HSD11B2: variants seen among roughly 807,000 people sequenced by gnomAD.
HSD11B2 encodes 11-beta-hydroxysteroid dehydrogenase type 2.
In HSD11B2, 17 loss-of-function variants were observed where a neutral mutation model predicts 20.9. The ratio of observed to expected loss-of-function variants is 0.81; its 90% CI spans 0.56 to 1.22. The LOEUF (loss-of-function observed/expected upper bound fraction) is 1.22, where lower values mean the gene tolerates loss of function less well. Ranked by LOEUF, HSD11B2 falls within the 50% of genes most tolerant of loss-of-function variation. The pLI is 0.00. For missense variants in HSD11B2, 480 were observed against 563.6 expected (o/e 0.85, Z 1.50); for synonymous variants, 253 against 255.4 (o/e 0.99, Z 0.09).
chr16:67,435,140 T>C (rs1597562084), intron 1 of HSD11B2, among the ~76,000 whole-genome samples: 1 of 144,764 alleles, frequency 6.9e-6, no homozygotes, highest in South Asian at 2.2e-4. Flanking sequence ...GGAGGGGAGG[T>C]TGCAGTGAGC....
chr16:67,435,564 C>G, intron 1 of HSD11B2, 64 bp from the exon 2 acceptor site: 1 of 1,331,996 alleles, frequency 7.5e-7, no homozygotes. Context: ...CCTGGTGATT[C>G]TGGGGTTGTC....
chr16:67,436,298 C>G lies in HSD11B2; in HGVS notation c.714C>G (p.Ala238=), dbSNP rs142615505. ...GGGCCTATGGAACCTCCAAAGCGGC[C>G]GTGGCGCTACTCATGGACACATTCA... ...CLGAYGTSKA[A]VALLMDTFSC... Residue 238 remains alanine (A), a synonymous_variant, in exon 4 of 5, where the codon GCC becomes GCG. Transcript: ENST00000326152. This position sits in a 1 kb window ranked among gnomAD's most constrained non-coding sequence, Gnocchi z 5.7. 6.2e-7 allele frequency: 1 copy of G among 1,612,044 alleles called. No individual in the cohort carries two copies. The highest frequency in any genetic ancestry group is 1.7e-5 in the Admixed American group (1 of 59,770).
At position 67,436,602 on chromosome 16, in the gene HSD11B2, G is replaced by A. The variant is rs140385822; in HGVS notation, c.817G>A (p.Val273Met). 1.9e-3 allele frequency: 3,020 copies of A among 1,614,146 alleles called. 4 individuals carry two copies. Among genetic ancestry groups the A allele is most frequent in the Non-Finnish European group, 2.2e-3 (2,559 of 1,180,016 alleles). Residue 273 changes from valine (V) to methionine (M), a missense_variant, in exon 5 of 5, where the codon GTG (valine) becomes ATG (methionine). Physicochemically the swap from Val to Met is conservative, Grantham distance 21 (BLOSUM62 1). Around this residue, in one of 2 missense-constraint regions of HSD11B2, gnomAD observed 374 missense variants for 480.9 expected, o/e 0.78. Transcript: ENST00000326152. The surrounding 1 kb of genome is among the most constrained non-coding windows in gnomAD (Gnocchi z 5.7). Reference sequence around the variant, plus strand: ...TCCTTCCCCAGAGTCAGTGAGAAACGTGGGTCAGTGGGAAAAGCGCAAGCA... The same window carrying A: ...TCCTTCCCCAGAGTCAGTGAGAAACATGGGTCAGTGGGAAAAGCGCAAGCA... ...GCFKTESVRN[V>M]GQWEKRKQLL...
intron 1 of HSD11B2, among the ~76,000 whole-genome samples, chr16:67,433,700 A>ACT (rs2040949625): frequency 7.5e-6 from 1 of 132,980 alleles, no homozygotes; most frequent in Non-Finnish European, 1.5e-5. Flanking sequence ...ACACACACAC[A>ACT]CACACACACA....
rs1256331018 is a variant in HSD11B2, at chr16:67,436,741, C to A, written c.956C>A (p.Thr319Asn). The change falls in exon 5 of 5, where the codon ACC becomes AAC. Residue 319 changes from threonine (T) to asparagine (N), a missense_variant. Transcript: ENST00000326152. This position sits in a 1 kb window ranked among gnomAD's most constrained non-coding sequence, Gnocchi z 5.7. Reference protein sequence around the residue: ...HSLRLAMSDLTPVVDAITDAL... With the variant: ...HSLRLAMSDLNPVVDAITDAL... Reference sequence around the variant, plus strand: ...CTACGCCTGGCCATGTCCGACCTCACCCCAGTTGTAGATGCCATCACAGAT... The same window carrying A: ...CTACGCCTGGCCATGTCCGACCTCAACCCAGTTGTAGATGCCATCACAGAT... 1 of 1,614,116 alleles carries A rather than the reference C, an allele frequency of 6.2e-7. No individual in the cohort carries two copies. The highest frequency in any genetic ancestry group is 8.5e-7 in the Non-Finnish European group (1 of 1,180,040).
chr16:67,431,202 C>G lies in HSD11B2; in HGVS notation c.-47C>G. 1 of 1,092,070 alleles carries G rather than the reference C, an allele frequency of 9.2e-7. No homozygotes were observed. The highest frequency in any genetic ancestry group is 4.0e-5 in the South Asian group (1 of 24,964). 67.6% of individuals were successfully genotyped at this position (1,092,070 alleles called of 1,614,324 possible). A position where few individuals can be genotyped will look rare whatever the true frequency, so the allele number is the denominator to read the frequency against. On this transcript the variant is annotated 5_prime_UTR_variant, in exon 1 of 5. Coordinates refer to ENST00000326152, the MANE Select transcript of HSD11B2 (RefSeq NM_000196.4). Reference sequence around the variant, plus strand: ...GGCCTAGAAGCTCTCTCTCCCCGCTCCCCGGCCCGGCCCCCGCCCCGCCCC... The same window carrying G: ...GGCCTAGAAGCTCTCTCTCCCCGCTGCCCGGCCCGGCCCCCGCCCCGCCCC...
chr16:67,435,878 G>A (rs777920217), intron 2 of HSD11B2, 38 bp downstream of exon 2: 2 of 1,613,722 alleles, frequency 1.2e-6, no homozygotes, highest in Non-Finnish European at 1.7e-6. Context: ...GGCGTGGCAG[G>A]GGAGTGGGAA....
At position 67,435,988 on chromosome 16, in the gene HSD11B2, CA is replaced by C. The variant is rs1490123376; in HGVS notation, c.512del (p.Asn171MetfsTer3). Reference sequence around the variant, plus strand: ...GGGGCCTCGTCAACAACGCAGGCCACAATGAAGTAGTTGCTGATGCGGAGCT... The same window carrying C: ...GGGGCCTCGTCAACAACGCAGGCCACATGAAGTAGTTGCTGATGCGGAGCT... ...LWGLVNNAGH[N>X]EVVADAELSP... is the part of the protein sequence containing the mutation. On this transcript the variant is annotated frameshift_variant, in exon 3 of 5. Coordinates refer to ENST00000326152, the MANE Select transcript of HSD11B2 (RefSeq NM_000196.4). LOFTEE classifies it high-confidence loss of function. 13 of 1,614,102 alleles carry C rather than the reference CA, an allele frequency of 8.1e-6. No homozygotes were observed. The highest frequency in any genetic ancestry group is 1.3e-5 in the African/African-American group (1 of 74,942).
At chr16:67,431,774 C>T (rs1189095439) in intron 1 of HSD11B2, among the ~76,000 whole-genome samples, 1 of 152,190 alleles carries the variant, frequency 6.6e-6, no homozygotes, top group East Asian at 1.9e-4. Context: ...AGGAAACTGA[C>T]TGGTGGCTGA....
Position 67,431,507 on chromosome 16 carries a change from A to C in HSD11B2, c.259A>C (p.Ile87Leu). 1 of 1,395,872 alleles carries C rather than the reference A, an allele frequency of 7.2e-7. No individual in the cohort carries two copies. Among genetic ancestry groups the C allele is most frequent in the Non-Finnish European group, 9.3e-7 (1 of 1,073,052 alleles). The allele number at this position is 1,395,872 out of a possible 1,614,324, so 86.5% of individuals were successfully genotyped here. A position where few individuals can be genotyped will look rare whatever the true frequency, so the allele number is the denominator to read the frequency against. Residue 87 changes from isoleucine (I) to leucine (L), a missense_variant, in exon 1 of 5, where the codon ATC (isoleucine) becomes CTC (leucine). Physicochemically the swap from Ile to Leu is conservative, Grantham distance 5. Transcript: ENST00000326152. ...GCCGGTGGCCACTCGCGCGGTGCTC[A>C]TCACCGGTGAGTGCGCGGGTCGCGG... is the stretch of plus-strand genomic sequence containing the variant. ...RLPVATRAVLITGCDSGFGKE... is the reference protein window; with the variant it reads ...RLPVATRAVLLTGCDSGFGKE...
chr16:67,436,639 C>G lies in HSD11B2; in HGVS notation c.854C>G (p.Ala285Gly). Residue 285 changes from alanine (A) to glycine (G), a missense_variant, in exon 5 of 5, where the codon GCC (alanine) becomes GGC (glycine). Transcript: ENST00000326152. This position sits in a 1 kb window ranked among gnomAD's most constrained non-coding sequence, Gnocchi z 5.7. ...GAAAAGCGCAAGCAATTGCTGCTGG[C>G]CAACCTGCCTCAAGAGCTGCTGCAG... ...QWEKRKQLLLANLPQELLQAY... is the reference protein window; with the variant it reads ...QWEKRKQLLLGNLPQELLQAY... 6.2e-7 allele frequency: 1 copy of G among 1,614,190 alleles called. No individual in the cohort carries two copies. Among genetic ancestry groups the G allele is most frequent in the Non-Finnish European group, 8.5e-7 (1 of 1,180,024 alleles).
chr16:67,434,995 C>T (rs1264215859), intron 1 of HSD11B2, among the ~76,000 whole-genome samples: 1 of 149,812 alleles, frequency 6.7e-6, no homozygotes, highest in Non-Finnish European at 1.5e-5. Context: ...CGCCACTGCA[C>T]TCCAGCCTGG....
intron 1 of HSD11B2, among the ~76,000 whole-genome samples, chr16:67,434,388 C>A (rs2040954580): frequency 6.6e-6 from 1 of 152,120 alleles, no homozygotes; most frequent in Non-Finnish European, 1.5e-5. Flanking sequence ...TTGTACAGGG[C>A]CTGAGCCAGG....
chr16:67,431,186 GCTCT>G lies in HSD11B2; in HGVS notation c.-57_-54del. On this transcript the variant is annotated 5_prime_UTR_variant, in exon 1 of 5. Coordinates refer to ENST00000326152, the MANE Select transcript of HSD11B2 (RefSeq NM_000196.4). ...CCGCACTCCGCGCCCCGGCCTAGAA[GCTCT>G]CTCTCCCCGCTCCCCGGCCCGGCCC... is the stretch of plus-strand genomic sequence containing the variant. 1.0e-6 allele frequency: 1 copy of G among 981,492 alleles called. No homozygotes were observed. Among genetic ancestry groups the G allele is most frequent in the Non-Finnish European group, 1.3e-6 (1 of 791,410 alleles). 60.8% of individuals were successfully genotyped at this position (981,492 alleles called of 1,614,324 possible).
Position 67,431,391 on chromosome 16 carries a change from G to A in HSD11B2, c.143G>A (p.Cys48Tyr). ...LALLAALDWL[C>Y]QRLLPPPAAL... Reference sequence around the variant, plus strand: ...CTGCTGGCCGCGCTCGACTGGCTGTGCCAGCGCCTGCTGCCCCCGCCGGCC... The same window carrying A: ...CTGCTGGCCGCGCTCGACTGGCTGTACCAGCGCCTGCTGCCCCCGCCGGCC... Residue 48 changes from cysteine (C) to tyrosine (Y), a missense_variant, in exon 1 of 5, where the codon TGC becomes TAC. Coordinates refer to ENST00000326152, the MANE Select transcript of HSD11B2 (RefSeq NM_000196.4). The A allele has an allele frequency of 7.9e-7, 1 of 1,264,660 alleles. No homozygotes were observed. The highest frequency in any genetic ancestry group is 1.0e-6 in the Non-Finnish European group (1 of 1,004,366). 78.3% of individuals were successfully genotyped at this position (1,264,660 alleles called of 1,614,324 possible). A position where few individuals can be genotyped will look rare whatever the true frequency, so the allele number is the denominator to read the frequency against.
In HSD11B2 at chr16:67,431,406, C is replaced by A. The variant is rs1261753593; in HGVS notation, c.158C>A (p.Pro53His). The A allele has an allele frequency of 1.6e-6, 2 of 1,277,352 alleles. No individual in the cohort carries two copies. Among genetic ancestry groups the A allele is most frequent in the Non-Finnish European group, 2.0e-6 (2 of 1,014,406 alleles). 79.1% of individuals were successfully genotyped at this position (1,277,352 alleles called of 1,614,324 possible). ...ALDWLCQRLL[P>H]PPAALAVLAA... ...GACTGGCTGTGCCAGCGCCTGCTGC[C>A]CCCGCCGGCCGCACTCGCCGTGCTG... is the stretch of plus-strand genomic sequence containing the variant. Residue 53 changes from proline to histidine, a missense_variant, in exon 1 of 5, where the codon CCC becomes CAC. Around this residue, in one of 2 missense-constraint regions of HSD11B2, gnomAD observed 106 missense variants for 82.8 expected, o/e 1.28. Coordinates refer to ENST00000326152, the MANE Select transcript of HSD11B2 (RefSeq NM_000196.4).
chr16:67,429,825 G>A (rs1209852449), upstream of HSD11B2, among the ~76,000 whole-genome samples: 3 of 152,234 alleles, frequency 2.0e-5, no homozygotes, highest in African/African-American at 7.2e-5. Context: ...TCACCAGGGG[G>A]CTGTGTCTGG....
upstream of HSD11B2, among the ~76,000 whole-genome samples, chr16:67,430,474 G>A (rs1412820940): frequency 2.0e-5 from 3 of 152,222 alleles, no homozygotes; most frequent in Non-Finnish European, 4.4e-5. This position sits in a 1 kb window ranked among gnomAD's most constrained non-coding sequence, Gnocchi z 5.4. Context: ...ACGGGGCAGA[G>A]ACTCCAAGAA....
Position 67,435,379 on chromosome 16 carries a change from T to C in HSD11B2, c.266-249T>C, listed in dbSNP as rs1251493789. On this transcript the variant is annotated intron_variant, in intron 1 of 4. Coordinates refer to ENST00000326152, the MANE Select transcript of HSD11B2 (RefSeq NM_000196.4). ...ATTACTAGGCCTTAGTTTCCTCTTC[T>C]GTAAGCCACATTAGTGGGGTAGCCA... Among the ~76,000 whole-genome samples the C allele has an allele frequency of 3.9e-5, 6 of 152,294 alleles. No individual in the cohort carries two copies. In the East Asian group the frequency reaches 1.2e-3, roughly 29 times the overall value.
Sources: allele counts gnomAD v4.1 joint callset (sites outside exome capture counted in the v4.1 genomes callset), GRCh38; gene constraint gnomAD v4.1.1; regional missense constraint gnomAD v4.1.1; non-coding constraint Gnocchi (gnomAD v3.1); transcripts MANE v1.5; gene names NCBI Gene and HGNC (gene_info 2026-07-23, HGNC 2026-07-21).